The following LCLAT1 variants were observed in gnomAD, a reference collection of about 807,000 sequenced individuals.
LCLAT1 encodes the protein 1-AGP acyltransferase 8.
In LCLAT1, 11 loss-of-function variants were observed where a neutral mutation model predicts 30.7. The ratio of observed to expected loss-of-function variants is 0.36; its 90% CI spans 0.23 to 0.59. The LOEUF (loss-of-function observed/expected upper bound fraction) is 0.59, where lower values mean the gene tolerates loss of function less well. Among genes scored for constraint, LCLAT1 ranks in the 20% least tolerant of loss-of-function variants. LCLAT1 has a pLI of 0.77. For synonymous variants in LCLAT1, 155 were observed against 151.3 expected, an observed-to-expected ratio of 1.02 and a Z score of -0.18; for missense variants, 402 against 458.6, an observed-to-expected ratio of 0.88 and a Z score of 1.13.
intron 3 of LCLAT1, among the ~76,000 whole-genome samples, chr2:30,547,548 T>A (rs769656572): frequency 6.6e-6 from 1 of 152,188 alleles, no homozygotes; most frequent in Non-Finnish European, 1.5e-5. Flanking sequence ...TATGGGAGTC[T>A]GTTGGAGTCT....
At chr2:30,630,454 A>T (rs76820899) in intron 5 of LCLAT1, among the ~76,000 whole-genome samples, 2,142 of 152,326 alleles carry the variant, frequency 0.014, 53 homozygotes, top group African/African-American at 0.049. Context: ...AGTTGGTATG[A>T]TTCAAGTTTT....
chr2:30,615,336 G>A (rs1000913249), intron 5 of LCLAT1, among the ~76,000 whole-genome samples: 4 of 152,102 alleles, frequency 2.6e-5, no homozygotes, highest in African/African-American at 9.7e-5. Flanking sequence ...ACAGTAGTAG[G>A]AGAGTATATA....
At chr2:30,486,769 C>T (rs1175740168) in intron 1 of LCLAT1, among the ~76,000 whole-genome samples, 1 of 152,106 alleles carries the variant, frequency 6.6e-6, no homozygotes, top group Non-Finnish European at 1.5e-5. Flanking sequence ...GGATGTGTAC[C>T]ATGATGTGAA....
At chr2:30,556,378 T>C (rs2148431391) in intron 3 of LCLAT1, among the ~76,000 whole-genome samples, 1 of 152,230 alleles carries the variant, frequency 6.6e-6, no homozygotes, top group Non-Finnish European at 1.5e-5. Context: ...CTTGCTCCTT[T>C]CCACATTAGA....
At chr2:30,586,052 C>T (rs62139628) in intron 5 of LCLAT1, among the ~76,000 whole-genome samples, 22,081 of 151,930 alleles carry the variant, frequency 0.15, 2,207 homozygotes, top group Non-Finnish European at 0.22. Flanking sequence ...ACCATCCTGG[C>T]TAACACGTGA....
chr2:30,543,594 C>G (rs572408405), intron 3 of LCLAT1, among the ~76,000 whole-genome samples: 2 of 152,158 alleles, frequency 1.3e-5, no homozygotes, highest in East Asian at 3.9e-4. Flanking sequence ...TAATTACAAA[C>G]TCAATTTTTT....
chr2:30,575,947 A>G (rs1006926365), intron 5 of LCLAT1, among the ~76,000 whole-genome samples: 2 of 152,114 alleles, frequency 1.3e-5, no homozygotes, highest in Non-Finnish European at 2.9e-5. Context: ...AATGCCTACT[A>G]TTGTGAAAGG....
intron 2 of LCLAT1, among the ~76,000 whole-genome samples, chr2:30,528,356 A>G (rs1685825864): frequency 6.6e-6 from 1 of 152,226 alleles, no homozygotes; most frequent in African/African-American, 2.4e-5. Context: ...CATTACTATT[A>G]CTGCAGAATT....
intron 3 of LCLAT1, among the ~76,000 whole-genome samples, chr2:30,536,696 C>A (rs1218149234): frequency 6.6e-6 from 1 of 151,998 alleles, no homozygotes; most frequent in Non-Finnish European, 1.5e-5. Context: ...ATAAAACATA[C>A]TAATAGAACA....
intron 3 of LCLAT1, among the ~76,000 whole-genome samples, chr2:30,558,431 CTCT>C (rs1197107568): frequency 6.6e-6 from 1 of 151,962 alleles, no homozygotes; most frequent in Non-Finnish European, 1.5e-5. Flanking sequence ...AAAACCCCGT[CTCT>C]ACTAAAAATA....
chr2:30,517,908 A>C (rs1009044167), intron 1 of LCLAT1, among the ~76,000 whole-genome samples: 2 of 152,332 alleles, frequency 1.3e-5, no homozygotes, highest in East Asian at 1.9e-4. Context: ...CCTTGTTATC[A>C]GTGTAAACAA....
At chr2:30,499,591 A>G (rs1307432271) in intron 1 of LCLAT1, among the ~76,000 whole-genome samples, 1 of 152,170 alleles carries the variant, frequency 6.6e-6, no homozygotes, top group Non-Finnish European at 1.5e-5. Flanking sequence ...TCTAAAGCCT[A>G]TTTGAACTCT....
At chr2:30,582,144 A>G (rs1462866588) in intron 5 of LCLAT1, among the ~76,000 whole-genome samples, 1 of 152,074 alleles carries the variant, frequency 6.6e-6, no homozygotes, top group African/African-American at 2.4e-5. Flanking sequence ...ACCAAAGTAA[A>G]AGCATTGAAT....
intron 4 of LCLAT1, among the ~76,000 whole-genome samples, chr2:30,566,747 A>G (rs1283434924): frequency 6.6e-6 from 1 of 152,226 alleles, no homozygotes; most frequent in Non-Finnish European, 1.5e-5. Context: ...AGTTGAGGCC[A>G]AATTTCTGAA....
intron 3 of LCLAT1, among the ~76,000 whole-genome samples, chr2:30,555,051 A>G (rs1481153406): frequency 1.3e-5 from 2 of 152,150 alleles, no homozygotes; most frequent in Non-Finnish European, 2.9e-5. Flanking sequence ...CTAGACTAAC[A>G]CTGATGAATT....
chr2:30,547,027 A>G (rs1372691154), intron 3 of LCLAT1, among the ~76,000 whole-genome samples: 1 of 151,470 alleles, frequency 6.6e-6, no homozygotes, highest in African/African-American at 2.4e-5. Flanking sequence ...CCCCCACAGG[A>G]CTCAGTAACA....
intron 3 of LCLAT1, among the ~76,000 whole-genome samples, chr2:30,546,446 A>G (rs182502060): frequency 1.8e-4 from 28 of 152,292 alleles, no homozygotes; most frequent in Admixed American, 1.8e-3. Flanking sequence ...TTTTTAGTAC[A>G]CTATAGGAAC....
intron 1 of LCLAT1, among the ~76,000 whole-genome samples, chr2:30,516,871 A>T (rs996443671): frequency 1.3e-4 from 20 of 152,182 alleles, no homozygotes; most frequent in African/African-American, 4.8e-4. Flanking sequence ...CTCAGGTGTG[A>T]GGCTTTCTGG....
intron 1 of LCLAT1, among the ~76,000 whole-genome samples, chr2:30,465,926 T>C (rs1459716799): frequency 1.3e-5 from 2 of 152,164 alleles, no homozygotes; most frequent in Non-Finnish European, 2.9e-5. Context: ...ATTTTATTTT[T>C]TTCAACCAAG....
Sources: allele counts gnomAD v4.1 joint callset (sites outside exome capture counted in the v4.1 genomes callset), GRCh38; gene constraint gnomAD v4.1.1; transcripts MANE v1.5; gene names NCBI Gene and HGNC (gene_info 2026-07-23, HGNC 2026-07-21).